GRID2: variants seen among roughly 807,000 people sequenced by gnomAD.
GRID2 encodes glutamate receptor ionotropic, delta-2.
In GRID2, 33 loss-of-function variants were observed where a neutral mutation model predicts 114.8. That is an observed-to-expected ratio of 0.29 (90% CI 0.22 to 0.38). GRID2 has a LOEUF of 0.38. GRID2 is among the 10% of genes least tolerant of loss of function. The pLI is 1.00. For missense variants in GRID2, 1,184 were observed against 1,257.7 expected (o/e 0.94, Z 0.89); for synonymous variants, 505 against 449.9 (o/e 1.12, Z -1.55).
chr4:93,118,636 G>A (rs1184338586), intron 4 of GRID2, among the ~76,000 whole-genome samples: 1 of 152,166 alleles, frequency 6.6e-6, no homozygotes, highest in Non-Finnish European at 1.5e-5. Flanking sequence ...TTGTTAGCAG[G>A]TCAAAGGGGT....
chr4:92,390,731 A>T (rs1454547403), intron 1 of GRID2, among the ~76,000 whole-genome samples: 1 of 152,174 alleles, frequency 6.6e-6, no homozygotes, highest in Admixed American at 6.6e-5. Flanking sequence ...GAAGAGTTTC[A>T]GGTTTTACTC....
intron 2 of GRID2, chr4:92,838,806 G>A (rs190282317): frequency 3.2e-4 from 48 of 152,200 alleles, no homozygotes; most frequent in African/African-American, 1.1e-3. Context: ...GTTAGGAGGT[G>A]AGCAGGGAAC....
intron 14 of GRID2, among the ~76,000 whole-genome samples, chr4:93,676,456 A>C (rs976355768): frequency 2.6e-5 from 4 of 152,174 alleles, no homozygotes; most frequent in African/African-American, 9.7e-5. Context: ...GTCTTTATTG[A>C]TGACACTGAA....
intron 2 of GRID2, among the ~76,000 whole-genome samples, chr4:92,945,071 A>T (rs1183559522): frequency 6.6e-6 from 1 of 152,154 alleles, no homozygotes; most frequent in African/African-American, 2.4e-5. Context: ...TCTGATAACT[A>T]AGTTTGAAAT....
intron 2 of GRID2, among the ~76,000 whole-genome samples, chr4:92,962,097 T>A (rs974220787): frequency 8.6e-5 from 13 of 151,986 alleles, no homozygotes; most frequent in Non-Finnish European, 1.9e-4. Flanking sequence ...ATTAAAGTTC[T>A]TAGCATATAA....
At chr4:93,506,524 C>T (rs1217734482) in intron 12 of GRID2, among the ~76,000 whole-genome samples, 1 of 152,138 alleles carries the variant, frequency 6.6e-6, no homozygotes, top group Non-Finnish European at 1.5e-5. Flanking sequence ...TGTCTTTTAT[C>T]TAATGTATTC....
chr4:92,557,645 T>TTATATATATA (rs138046427), intron 1 of GRID2, among the ~76,000 whole-genome samples: 22,723 of 142,272 alleles, frequency 0.16, 2,070 homozygotes, highest in East Asian at 0.23. Context: ...ATATATATGG[T>TTATATATATA]TATATATATA....
At chr4:92,307,921 C>T (rs1462957844) in intron 1 of GRID2, among the ~76,000 whole-genome samples, 4 of 152,186 alleles carry the variant, frequency 2.6e-5, no homozygotes, top group Non-Finnish European at 5.9e-5. Context: ...GTAATTTCAT[C>T]AGACCCACAT....
intron 14 of GRID2, among the ~76,000 whole-genome samples, chr4:93,729,036 C>T (rs1249527923): frequency 6.6e-6 from 1 of 152,066 alleles, no homozygotes; most frequent in African/African-American, 2.4e-5. Context: ...ATTATGATGT[C>T]AGCTGGTTAT....
In GRID2 at chr4:92,934,911, G is replaced by C. The variant is rs1440204378; in HGVS notation, c.245-150084G>C. Among the ~76,000 whole-genome samples the C allele has an allele frequency of 2.0e-4, 30 of 146,704 alleles. 2 individuals carry two copies. The highest frequency in any genetic ancestry group is 3.5e-3 in the Middle Eastern group (1 of 282). On this transcript the variant is annotated intron_variant, in intron 2 of 15. Transcript: ENST00000282020. ...TTCAAGATGGATTAAAGACTTAAAC[G>C]TTCGACCTAAAACCATAAAAACCCT...
chr4:93,297,762 G>C (rs1277068913), intron 8 of GRID2, among the ~76,000 whole-genome samples: 1 of 152,088 alleles, frequency 6.6e-6, no homozygotes, highest in Non-Finnish European at 1.5e-5. Flanking sequence ...CTTCAGGTTT[G>C]ATAGTACAAC....
chr4:92,864,721 G>T (rs534796151), intron 2 of GRID2, among the ~76,000 whole-genome samples: 3 of 152,248 alleles, frequency 2.0e-5, no homozygotes, highest in East Asian at 1.9e-4. Context: ...TTACATTATT[G>T]TTTGTCATGG....
intron 1 of GRID2, among the ~76,000 whole-genome samples, chr4:92,462,246 G>T (rs1281323993): frequency 6.6e-6 from 1 of 152,026 alleles, no homozygotes; most frequent in Non-Finnish European, 1.5e-5. Context: ...TGATGTCAAA[G>T]ACTGTAGTTG....
Position 92,681,692 on chromosome 4 carries a change from T to TA in GRID2, c.244+91413dup, listed in dbSNP as rs112293981. 1.6e-3 allele frequency among the ~76,000 whole-genome samples: 236 copies of TA among 152,084 alleles called. 2 individuals are homozygous for TA. The highest frequency in any genetic ancestry group is 5.3e-3 in the African/African-American group (218 of 41,492). ...GTACCCTAGAACTTAAAGTATAATTTAAAAAAACCCACGGAATTGTACACA... is the reference window on the plus strand; with the variant it reads ...GTACCCTAGAACTTAAAGTATAATTTAAAAAAAACCCACGGAATTGTACACA... On this transcript the variant is annotated intron_variant, in intron 2 of 15. Transcript: ENST00000282020.
chr4:92,460,031 A>ACTCTCTCTCTCT (rs1386723845), intron 1 of GRID2, among the ~76,000 whole-genome samples: 18 of 11,150 alleles, frequency 1.6e-3, no homozygotes, highest in African/African-American at 9.0e-3. Flanking sequence ...AATAAATCTC[A>ACTCTCTCTCTCT]CTATATATAT....
At chr4:92,978,757 T>C (rs1055849456) in intron 2 of GRID2, among the ~76,000 whole-genome samples, 3 of 152,168 alleles carry the variant, frequency 2.0e-5, no homozygotes, top group Non-Finnish European at 2.9e-5. Context: ...TAAGGCTGTG[T>C]ACAGTTGCTC....
At chr4:93,661,293 C>T (rs570067461) in intron 14 of GRID2, among the ~76,000 whole-genome samples, 5 of 152,320 alleles carry the variant, frequency 3.3e-5, no homozygotes, top group Admixed American at 2.0e-4. Context: ...TGAGGTCAAA[C>T]AAGGTGATAT....
At chr4:93,362,719 T>C (rs1761989503) in intron 8 of GRID2, among the ~76,000 whole-genome samples, 2 of 152,084 alleles carry the variant, frequency 1.3e-5, no homozygotes, top group African/African-American at 4.8e-5. Flanking sequence ...TCTCTGATCT[T>C]TCATTCTGCC....
chr4:92,690,901 T>A (rs957026883), intron 2 of GRID2, among the ~76,000 whole-genome samples: 7 of 152,310 alleles, frequency 4.6e-5, no homozygotes, highest in African/African-American at 1.7e-4. Flanking sequence ...CTTATTTTTA[T>A]TTTTATTGTG....
Sources: allele counts gnomAD v4.1 joint callset (sites outside exome capture counted in the v4.1 genomes callset), GRCh38; gene constraint gnomAD v4.1.1; transcripts MANE v1.5; gene names NCBI Gene and HGNC (gene_info 2026-07-23, HGNC 2026-07-21).